KCNQ1: variants seen among roughly 807,000 people sequenced by gnomAD.
KCNQ1 encodes potassium voltage-gated channel subfamily KQT member 1.
In KCNQ1, 49 loss-of-function variants were observed where a neutral mutation model predicts 72.4. That is an observed-to-expected ratio of 0.68 (90% CI 0.54 to 0.86). The LOEUF (loss-of-function observed/expected upper bound fraction) is 0.86, where lower values mean the gene tolerates loss of function less well. KCNQ1 is among the 40% of genes least tolerant of loss of function. KCNQ1 has a pLI of 0.00. For missense variants in KCNQ1, 790 were observed against 945.1 expected (o/e 0.84, Z 2.15); for synonymous variants, 450 against 412.6 (o/e 1.09, Z -1.10).
intron 1 of KCNQ1, among the ~76,000 whole-genome samples, chr11:2,445,686 T>C (rs1846027282): frequency 6.6e-6 from 1 of 152,014 alleles, no homozygotes; most frequent in South Asian, 2.1e-4. Context: ...GTGCGCATCT[T>C]CTCGCAGGCC....
intron 15 of KCNQ1, among the ~76,000 whole-genome samples, chr11:2,807,655 AG>A (rs980195164): frequency 6.6e-6 from 1 of 151,974 alleles, no homozygotes; most frequent in Non-Finnish European, 1.5e-5. Flanking sequence ...CAGGCGGGCG[AG>A]GGGCACCCCC....
In KCNQ1 at chr11:2,446,451, C is replaced by T. The variant is rs1846038452; in HGVS notation, c.386+967C>T. ...GCTGAAGGGTGGTCTCCCTGAGCGTCCTCAGGTGGAAGCATCTCCTCTGCC... is the reference window on the plus strand; with the variant it reads ...GCTGAAGGGTGGTCTCCCTGAGCGTTCTCAGGTGGAAGCATCTCCTCTGCC... On this transcript the variant is annotated intron_variant, in intron 1 of 15. Transcript: ENST00000155840. The surrounding 1 kb of genome is among the most constrained non-coding windows in gnomAD (Gnocchi z 8.8). Among the ~76,000 whole-genome samples the T allele has an allele frequency of 6.6e-6, 1 of 152,196 alleles. No homozygotes were observed. Among genetic ancestry groups the T allele is most frequent in the African/African-American group, 2.4e-5 (1 of 41,444 alleles).
intron 15 of KCNQ1, among the ~76,000 whole-genome samples, chr11:2,795,835 C>T (rs1422664275): frequency 6.6e-6 from 1 of 152,200 alleles, no homozygotes; most frequent in Non-Finnish European, 1.5e-5. Context: ...AGCTCTCATC[C>T]CCTGAGTGCC....
Position 2,652,383 on chromosome 11 carries a change from A to T in KCNQ1, c.1394-9578A>T. On this transcript the variant is annotated intron_variant, in intron 10 of 15. Coordinates refer to ENST00000155840, the MANE Select transcript of KCNQ1 (RefSeq NM_000218.3). The surrounding 1 kb of genome is among the most constrained non-coding windows in gnomAD (Gnocchi z 5.9). Reference sequence around the variant, plus strand: ...GAAGGTGAAAAGATCGCTCTTAATTAGATTAAAAACATTTTTTTCTTCCTG... The same window carrying T: ...GAAGGTGAAAAGATCGCTCTTAATTTGATTAAAAACATTTTTTTCTTCCTG... 1 of 398,666 alleles carries T rather than the reference A, an allele frequency of 2.5e-6. No homozygotes were observed. The highest frequency in any genetic ancestry group is 3.6e-5 in the East Asian group (1 of 28,082). 24.7% of individuals were successfully genotyped at this position (398,666 alleles called of 1,614,324 possible).
chr11:2,522,238 G>T (rs971643138), intron 1 of KCNQ1, among the ~76,000 whole-genome samples: 1 of 150,886 alleles, frequency 6.6e-6, no homozygotes, highest in Middle Eastern at 3.2e-3. Context: ...TTGGGAGCTC[G>T]GGTGGGACAG....
rs111973545 is a variant in KCNQ1, at chr11:2,718,135, C to T, written c.1515-50709C>T. On this transcript the variant is annotated intron_variant, in intron 11 of 15. Transcript: ENST00000155840. ...CGTCCTGGCTTAAACACTTTGAGGC[C>T]CTCCCTGCCCTCGGGGGAGCTGAGA... is the stretch of plus-strand genomic sequence containing the variant. Among the ~76,000 whole-genome samples, 212 of 152,300 alleles carry T rather than the reference C, an allele frequency of 1.4e-3. 5 individuals are homozygous for T. The highest frequency in any genetic ancestry group is 6.8e-3 in the Middle Eastern group (2 of 294).
At chr11:2,568,987 C>T (rs1203526979) in intron 2 of KCNQ1, among the ~76,000 whole-genome samples, 3 of 152,174 alleles carry the variant, frequency 2.0e-5, no homozygotes, top group South Asian at 2.1e-4. Flanking sequence ...CGAGTTCAAG[C>T]GATTCTCCTG....
At chr11:2,697,189 T>G (rs1850691664) in intron 11 of KCNQ1, 1 of 398,508 alleles carries the variant, frequency 2.5e-6, no homozygotes, top group African/African-American at 2.1e-5. Flanking sequence ...AAACATTTCT[T>G]AGTTTTAACT....
At chr11:2,689,119 G>A (rs571185205) in intron 11 of KCNQ1, 8 of 398,776 alleles carry the variant, frequency 2.0e-5, no homozygotes, top group African/African-American at 1.6e-4. Flanking sequence ...GCCTGCCCTG[G>A]TGTGAAAGCC....
chr11:2,456,883 A>G (rs61873496), intron 1 of KCNQ1, among the ~76,000 whole-genome samples: 7,887 of 147,658 alleles, frequency 0.053, 241 homozygotes, highest in East Asian at 0.062. Context: ...AGCTTGCAGT[A>G]AGCCGAGATC....
At chr11:2,467,409 T>C (rs1846367955) in intron 1 of KCNQ1, among the ~76,000 whole-genome samples, 1 of 152,026 alleles carries the variant, frequency 6.6e-6, no homozygotes, top group African/African-American at 2.4e-5. Flanking sequence ...AGGGATGGTG[T>C]GGGGCCCTGG....
rs1846466475 is a variant in KCNQ1 at position 2,471,726 on chromosome 11, G to A, written c.386+26242G>A. Among the ~76,000 whole-genome samples the A allele has an allele frequency of 7.1e-6, 1 of 140,150 alleles. No individual in the cohort carries two copies. Among genetic ancestry groups the A allele is most frequent in the Admixed American group, 7.2e-5 (1 of 13,876 alleles). The allele number at this position is 140,150 out of a possible 152,430, so 91.9% of individuals were successfully genotyped here. On this transcript the variant is annotated intron_variant, in intron 1 of 15. Coordinates refer to ENST00000155840, the MANE Select transcript of KCNQ1 (RefSeq NM_000218.3). The surrounding 1 kb of genome is among the most constrained non-coding windows in gnomAD (Gnocchi z 4.8). ...TATAGGTGTGTGTATGTGTGCATGG[G>A]CGTGTGTATGTGTGCATGGGCGTGT...
At chr11:2,558,145 C>T (rs577543731) in intron 2 of KCNQ1, among the ~76,000 whole-genome samples, 303 of 152,360 alleles carry the variant, frequency 2.0e-3, no homozygotes, top group African/African-American at 6.5e-3. Flanking sequence ...ACGTAGGCCC[C>T]GCTGCCTGCC....
Position 2,612,877 on chromosome 11 carries a change from C to T in KCNQ1, c.1393+24023C>T, listed in dbSNP as rs1263821728. 3 of 398,410 alleles carry T rather than the reference C, an allele frequency of 7.5e-6. No homozygotes were observed. The highest frequency in any genetic ancestry group is 2.1e-5 in the African/African-American group (1 of 48,606). The allele number at this position is 398,410 out of a possible 1,614,324, so 24.7% of individuals were successfully genotyped here. A position where few individuals can be genotyped will look rare whatever the true frequency, so the allele number is the denominator to read the frequency against. Reference sequence around the variant, plus strand: ...CTGGATTCTAGTTCTTCTCCCTAACCAGGGATGATTTCTGTTACTCATTTA... The same window carrying T: ...CTGGATTCTAGTTCTTCTCCCTAACTAGGGATGATTTCTGTTACTCATTTA... On this transcript the variant is annotated intron_variant, in intron 10 of 15. Coordinates refer to ENST00000155840, the MANE Select transcript of KCNQ1 (RefSeq NM_000218.3). This position sits in a 1 kb window ranked among gnomAD's most constrained non-coding sequence, Gnocchi z 5.5.
chr11:2,650,080 C>G (rs940047808), intron 10 of KCNQ1: 10 of 398,148 alleles, frequency 2.5e-5, no homozygotes, highest in Non-Finnish European at 3.1e-5. Context: ...GCTTTTGAAG[C>G]TTTCAATTGT....
Position 2,671,589 on chromosome 11 carries a change from C to T in KCNQ1, c.1514+9508C>T, listed in dbSNP as rs921150738. The stretch of plus-strand genomic sequence containing the variant: ...TTGGCACTGAGCATTTATACAAGAT[C>T]AGACTGCACTGCACCCTAAGTATAA... On this transcript the variant is annotated intron_variant, in intron 11 of 15. Coordinates refer to ENST00000155840, the MANE Select transcript of KCNQ1 (RefSeq NM_000218.3). The surrounding 1 kb of genome is among the most constrained non-coding windows in gnomAD (Gnocchi z 4.7). The T allele has an allele frequency of 1.5e-5, 6 of 398,496 alleles. No homozygotes were observed. Among genetic ancestry groups the T allele is most frequent in the African/African-American group, 1.2e-4 (6 of 48,622 alleles). The allele number at this position is 398,496 out of a possible 1,614,324, so 24.7% of individuals were successfully genotyped here.
chr11:2,659,748 C>T lies in KCNQ1; in HGVS notation c.1394-2213C>T, dbSNP rs780733867. ...GAGAGTTCTACATGTTCCACATCCT[C>T]AAGAGTGGTTGGTATTGTCAGGTTT... On this transcript the variant is annotated intron_variant, in intron 10 of 15. Coordinates refer to ENST00000155840, the MANE Select transcript of KCNQ1 (RefSeq NM_000218.3). The surrounding 1 kb of genome is among the most constrained non-coding windows in gnomAD (Gnocchi z 4.3). 7.5e-6 allele frequency: 3 copies of T among 398,326 alleles called. No homozygotes were observed. The highest frequency in any genetic ancestry group is 8.8e-6 in the Non-Finnish European group (2 of 226,012). 24.7% of individuals were successfully genotyped at this position (398,326 alleles called of 1,614,324 possible).
chr11:2,475,737 G>A lies in KCNQ1; in HGVS notation c.386+30253G>A, dbSNP rs180854953. On this transcript the variant is annotated intron_variant, in intron 1 of 15. Transcript: ENST00000155840. This position sits in a 1 kb window ranked among gnomAD's most constrained non-coding sequence, Gnocchi z 5.8. ...TGGGGGGTAATTGAATCACGGGGAC[G>A]AGTCTTTCCTGTGCTGTTCTCGTAA... 1.6e-4 allele frequency among the ~76,000 whole-genome samples: 25 copies of A among 152,264 alleles called. No individual in the cohort carries two copies. The highest frequency in any genetic ancestry group is 3.4e-3 in the Middle Eastern group (1 of 294).
Position 2,458,687 on chromosome 11 carries a change from C to G in KCNQ1, c.386+13203C>G, listed in dbSNP as rs117527707. The stretch of plus-strand genomic sequence containing the variant: ...TGGATGGATGGATGGATGGATGGAT[C>G]GATCGATCTCACCAAGCCTCGTGCT... On this transcript the variant is annotated intron_variant, in intron 1 of 15. Coordinates refer to ENST00000155840, the MANE Select transcript of KCNQ1 (RefSeq NM_000218.3). The surrounding 1 kb of genome is among the most constrained non-coding windows in gnomAD (Gnocchi z 4.6). Among the ~76,000 whole-genome samples the G allele has an allele frequency of 2.4e-3, 238 of 98,168 alleles. No individual in the cohort carries two copies. Among genetic ancestry groups the G allele is most frequent in the Middle Eastern group, 5.4e-3 (1 of 184 alleles). The allele number at this position is 98,168 out of a possible 152,430, so 64.4% of individuals were successfully genotyped here. A position where few individuals can be genotyped will look rare whatever the true frequency, so the allele number is the denominator to read the frequency against.
Sources: allele counts gnomAD v4.1 joint callset (sites outside exome capture counted in the v4.1 genomes callset), GRCh38; gene constraint gnomAD v4.1.1; non-coding constraint Gnocchi (gnomAD v3.1); transcripts MANE v1.5; gene names NCBI Gene and HGNC (gene_info 2026-07-23, HGNC 2026-07-21).